NCAPD3: variants seen among roughly 807,000 people sequenced by gnomAD.
NCAPD3 encodes the protein non-SMC condensin II complex subunit D3.
Under a neutral mutation model 182.9 loss-of-function variants are expected in NCAPD3, and 105 were observed. The observed-to-expected ratio is 0.57, with a 90% CI of 0.49 to 0.68. The LOEUF (loss-of-function observed/expected upper bound fraction) is 0.68. Ranked by LOEUF, NCAPD3 falls within the 30% of genes least tolerant of loss-of-function variation. The pLI is 0.00. For missense variants in NCAPD3, 1,944 were observed against 1,837.0 expected (o/e 1.06, Z -1.07); for synonymous variants, 815 against 679.9 (o/e 1.20, Z -3.09).
chr11:134,182,983 C>A (rs1944329058), intron 19 of NCAPD3: 1 of 399,668 alleles, frequency 2.5e-6, no homozygotes, highest in South Asian at 1.8e-5. Context: ...AGTAGTAAGC[C>A]CCACCCGCTT....
chr11:134,177,538 C>T, intron 22 of NCAPD3, 81 bp from the exon 23 acceptor site: 1 of 1,209,390 alleles, frequency 8.3e-7, no homozygotes. Flanking sequence ...ATACATCTTG[C>T]TAATGGCTTC....
At chr11:134,159,039 T>C (rs1943507448) in intron 29 of NCAPD3, among the ~76,000 whole-genome samples, 1 of 152,260 alleles carries the variant, frequency 6.6e-6, no homozygotes, top group Non-Finnish European at 1.5e-5. Flanking sequence ...CCACTGTATA[T>C]GCACCCCATT....
intron 28 of NCAPD3, among the ~76,000 whole-genome samples, chr11:134,160,500 A>T (rs989452779): frequency 3.9e-5 from 6 of 152,118 alleles, no homozygotes; most frequent in Non-Finnish European, 7.4e-5. Context: ...GGATGCATGG[A>T]TCTAAAAGCT....
At chr11:134,159,798 G>A (rs1943526405) in intron 29 of NCAPD3, 94 bp downstream of exon 29, 4 of 1,347,194 alleles carry the variant, frequency 3.0e-6, no homozygotes, top group Non-Finnish European at 4.0e-6. Flanking sequence ...AACCTCTGAT[G>A]ACGGAGATCT....
chr11:134,224,602 A>AGGGGGT (rs1938385171), upstream of NCAPD3: 1 of 152,194 alleles, frequency 6.6e-6, no homozygotes, highest in Non-Finnish European at 1.5e-5. Context: ...CAGGAGCGTT[A>AGGGGGT]GGGGGTGCGC....
chr11:134,185,061 G>A (rs1181626840), intron 17 of NCAPD3, 61 bp from the exon 18 acceptor site: 1 of 1,323,524 alleles, frequency 7.6e-7, no homozygotes, highest in Non-Finnish European at 1.1e-6. Context: ...TGCCAACAAA[G>A]GCCTTTCTTC....
Position 134,185,530 on chromosome 11 carries a change from G to GAAAAA in NCAPD3, c.2046-9_2046-5dup. 7.0e-7 allele frequency: 1 copy of GAAAAA among 1,420,768 alleles called. No homozygotes were observed. Among genetic ancestry groups the GAAAAA allele is most frequent in the Admixed American group, 2.2e-5 (1 of 45,192 alleles). The allele number at this position is 1,420,768 out of a possible 1,614,324, so 88.0% of individuals were successfully genotyped here. On this transcript the variant is annotated splice_polypyrimidine_tract_variant and splice_region_variant and intron_variant, in intron 16 of 34. Transcript: ENST00000534548. ...AAAAGCCTTATTTAAATATCGGCTG[G>GAAAAA]AAAAAAAAAAGATAGAAAAGCAGAA...
Position 134,150,977 on chromosome 11 carries a change from G to C in NCAPD3, c.*1967C>G, listed in dbSNP as rs1045569848. 2.0e-5 allele frequency: 3 copies of C among 152,194 alleles called. No individual in the cohort carries two copies. The highest frequency in any genetic ancestry group is 4.4e-5 in the Non-Finnish European group (3 of 68,042). The allele number at this position is 152,194 out of a possible 1,614,324, so 9.4% of individuals were successfully genotyped here. ...CGCCGGAGACACTGCTCCCATTTGT[G>C]GGGGGACATTAGCAACATCACTCAG... is the stretch of plus-strand genomic sequence containing the variant. On this transcript the variant is annotated 3_prime_UTR_variant, in exon 35 of 35. Transcript: ENST00000534548.
At chr11:134,165,578 G>A in intron 27 of NCAPD3, among the ~76,000 whole-genome samples, 1 of 148,674 alleles carries the variant, frequency 6.7e-6, no homozygotes, top group South Asian at 2.2e-4. Context: ...GAGCTTGGGG[G>A]AGGGGCACAC....
intron 2 of NCAPD3, among the ~76,000 whole-genome samples, chr11:134,218,930 T>C (rs1938125314): frequency 6.6e-6 from 1 of 152,204 alleles, no homozygotes; most frequent in Non-Finnish European, 1.5e-5. Context: ...TACCTATCTA[T>C]TGCCCACTGT....
intron 1 of NCAPD3, chr11:134,223,601 G>C: frequency 3.0e-6 from 2 of 667,004 alleles, no homozygotes; most frequent in Admixed American, 4.2e-5. Context: ...GAAGGGGAAG[G>C]CCGAGAAAAC....
At chr11:134,185,184 T>C (rs1944377940) in intron 17 of NCAPD3, 151 bp downstream of exon 17, 2 of 885,026 alleles carry the variant, frequency 2.3e-6, no homozygotes, top group Non-Finnish European at 3.4e-6. Context: ...TGAAACATGA[T>C]TCTTATTTTT....
At chr11:134,176,103 C>T (rs1840279892) in intron 24 of NCAPD3, among the ~76,000 whole-genome samples, 1 of 152,140 alleles carries the variant, frequency 6.6e-6, no homozygotes, top group South Asian at 2.1e-4. Context: ...AATGATGAAT[C>T]TAACCATTTT....
intron 24 of NCAPD3, among the ~76,000 whole-genome samples, chr11:134,171,784 C>G (rs1944011931): frequency 6.6e-6 from 1 of 152,172 alleles, no homozygotes; most frequent in Non-Finnish European, 1.5e-5. Flanking sequence ...CAGGGCACTC[C>G]CTATGCTTCC....
Position 134,194,758 on chromosome 11 carries a change from G to A in NCAPD3, c.1616-20C>T, listed in dbSNP as rs745653450. 1.9e-6 allele frequency: 3 copies of A among 1,557,674 alleles called. No homozygotes were observed. The highest frequency in any genetic ancestry group is 2.6e-6 in the Non-Finnish European group (3 of 1,142,948). On this transcript the variant is annotated intron_variant, in intron 13 of 34. Coordinates refer to ENST00000534548, the MANE Select transcript of NCAPD3 (RefSeq NM_015261.3). ...ATCTTTCTGTAGAGGGAATACCAAA[G>A]GGTCATCACAGCTGGAGAAAAGTCA...
At chr11:134,179,082 T>C in intron 20 of NCAPD3, 146 bp from the exon 21 acceptor site, 1 of 616,574 alleles carries the variant, frequency 1.6e-6, no homozygotes, top group Non-Finnish European at 2.8e-6. Flanking sequence ...AATACATGGC[T>C]ATTGTAAAAA....
At position 134,184,808 on chromosome 11, in the gene NCAPD3, TATACACAC is replaced by T. The variant is rs1374381424; in HGVS notation, c.2336-64_2336-57del. On this transcript the variant is annotated intron_variant, in intron 18 of 34. Transcript: ENST00000534548. The stretch of plus-strand genomic sequence containing the variant: ...AACTGCTTAAATATATTCAGGTATA[TATACACAC>T]ACACACACACACACACACACACACA... 117 of 955,516 alleles carry T rather than the reference TATACACAC, an allele frequency of 1.2e-4. 1 individual carries two copies. Among genetic ancestry groups the T allele is most frequent in the Admixed American group, 4.4e-4 (20 of 45,722 alleles). 59.2% of individuals were successfully genotyped at this position (955,516 alleles called of 1,614,324 possible). A position where few individuals can be genotyped will look rare whatever the true frequency, so the allele number is the denominator to read the frequency against.
intron 15 of NCAPD3, 128 bp downstream of exon 15, chr11:134,193,888 A>G: frequency 1.2e-6 from 1 of 856,188 alleles, no homozygotes; most frequent in Non-Finnish European, 1.8e-6. Flanking sequence ...CTTACATTGT[A>G]CAGTTCTACA....
At chr11:134,167,302 C>A (rs78967179) in intron 27 of NCAPD3, among the ~76,000 whole-genome samples, 2 of 96,488 alleles carry the variant, frequency 2.1e-5, no homozygotes, top group South Asian at 3.7e-4. Flanking sequence ...CTTGGGGGAG[C>A]AGCACACTCA....
Sources: allele counts gnomAD v4.1 joint callset (sites outside exome capture counted in the v4.1 genomes callset), GRCh38; gene constraint gnomAD v4.1.1; transcripts MANE v1.5; gene names NCBI Gene and HGNC (gene_info 2026-07-23, HGNC 2026-07-21).